The following CCSER1 variants were observed in gnomAD, a reference collection of about 807,000 sequenced individuals.
CCSER1 encodes serine-rich coiled-coil domain-containing protein 1.
CCSER1 carries 41 observed loss-of-function variants against 82.0 expected under a neutral mutation model. That is an observed-to-expected ratio of 0.50 (90% CI 0.39 to 0.65). The LOEUF (loss-of-function observed/expected upper bound fraction) is 0.65. CCSER1 is among the 30% of genes least tolerant of loss of function. The pLI, the probability that CCSER1 is intolerant of heterozygous loss-of-function variation, is 0.00. For missense variants in CCSER1, 1,119 were observed against 1,064.2 expected (o/e 1.05, Z -0.72); for synonymous variants, 414 against 383.9 (o/e 1.08, Z -0.92).
intron 6 of CCSER1, among the ~76,000 whole-genome samples, chr4:90,669,523 A>G (rs903816014): frequency 6.6e-6 from 1 of 152,118 alleles, no homozygotes; most frequent in Admixed American, 6.6e-5. Context: ...ATTTTAAAGT[A>G]AACATTATTT....
intron 6 of CCSER1, among the ~76,000 whole-genome samples, chr4:90,640,310 C>T (rs1291355906): frequency 6.6e-6 from 1 of 151,952 alleles, no homozygotes; most frequent in Non-Finnish European, 1.5e-5. Flanking sequence ...ATGTGAAAGA[C>T]ATGAAAATTA....
intron 5 of CCSER1, among the ~76,000 whole-genome samples, chr4:90,536,949 T>C (rs924465217): frequency 6.6e-6 from 1 of 152,242 alleles, no homozygotes; most frequent in Non-Finnish European, 1.5e-5. Flanking sequence ...TCTCGTTTGT[T>C]CTCTTGCTTC....
intron 8 of CCSER1, among the ~76,000 whole-genome samples, chr4:90,898,977 A>G (rs545897320): frequency 2.0e-5 from 3 of 151,918 alleles, no homozygotes; most frequent in Non-Finnish European, 4.4e-5. Flanking sequence ...CTAATTCTGT[A>G]TAAAATGACA....
chr4:91,070,958 A>G (rs1721371054), intron 9 of CCSER1, among the ~76,000 whole-genome samples: 1 of 152,350 alleles, frequency 6.6e-6, no homozygotes, highest in South Asian at 2.1e-4. Flanking sequence ...TTAAAATTAT[A>G]GAAGAAATAC....
chr4:90,723,720 C>T (rs2149374970), intron 6 of CCSER1, among the ~76,000 whole-genome samples, 194 bp from the exon 7 acceptor site: 1 of 151,810 alleles, frequency 6.6e-6, no homozygotes, highest in East Asian at 1.9e-4. Flanking sequence ...TGACTAATTT[C>T]CCAGATAATC....
chr4:91,307,324 A>G (rs1745140071), intron 10 of CCSER1, among the ~76,000 whole-genome samples: 1 of 150,572 alleles, frequency 6.6e-6, no homozygotes, highest in Admixed American at 6.7e-5. Context: ...CTCTAGTCTT[A>G]TCTTGCTATT....
chr4:91,078,939 A>C (rs1722352281), intron 9 of CCSER1, among the ~76,000 whole-genome samples: 1 of 152,222 alleles, frequency 6.6e-6, no homozygotes, highest in South Asian at 2.1e-4. Flanking sequence ...GAAAAGACCA[A>C]ATCTACATCT....
At chr4:91,162,120 A>T (rs1214918752) in intron 10 of CCSER1, among the ~76,000 whole-genome samples, 1 of 152,126 alleles carries the variant, frequency 6.6e-6, no homozygotes, top group Admixed American at 6.5e-5. Context: ...TACCTAGTTT[A>T]TTGAGAGTTT....
intron 10 of CCSER1, among the ~76,000 whole-genome samples, chr4:91,265,799 T>G (rs572145104): frequency 1.3e-5 from 2 of 152,330 alleles, no homozygotes; most frequent in African/African-American, 2.4e-5. Flanking sequence ...TGAAAAATTT[T>G]GGGAAAACGA....
chr4:91,034,875 A>T (rs1202627137), intron 9 of CCSER1, among the ~76,000 whole-genome samples: 2 of 152,100 alleles, frequency 1.3e-5, no homozygotes, highest in Non-Finnish European at 2.9e-5. Context: ...AGTCCACAGA[A>T]ATCTATACTG....
At chr4:90,993,091 A>G (rs1737181582) in intron 9 of CCSER1, among the ~76,000 whole-genome samples, 1 of 152,048 alleles carries the variant, frequency 6.6e-6, no homozygotes, top group South Asian at 2.1e-4. Context: ...ACTGCCAGTT[A>G]TGTACTGTTG....
intron 1 of CCSER1, among the ~76,000 whole-genome samples, chr4:90,170,319 T>C (rs1731390947): frequency 6.6e-6 from 1 of 152,048 alleles, no homozygotes; most frequent in South Asian, 2.1e-4. Flanking sequence ...TCACAGATAA[T>C]ATGTATATTG....
chr4:91,078,171 C>G (rs1581492624), intron 9 of CCSER1, among the ~76,000 whole-genome samples: 1 of 152,256 alleles, frequency 6.6e-6, no homozygotes, highest in Admixed American at 6.5e-5. Flanking sequence ...CCCTGAGTAG[C>G]CTAAATAGGA....
intron 10 of CCSER1, among the ~76,000 whole-genome samples, chr4:91,501,920 T>C (rs1042201075): frequency 6.6e-6 from 1 of 152,220 alleles, no homozygotes; most frequent in African/African-American, 2.4e-5. Flanking sequence ...GTAAGCACAA[T>C]TGACAGCATC....
intron 10 of CCSER1, among the ~76,000 whole-genome samples, chr4:91,410,961 C>G (rs955559413): frequency 1.3e-5 from 2 of 151,928 alleles, no homozygotes. Context: ...AGTACATTGT[C>G]TTCTGTATGA....
intron 10 of CCSER1, among the ~76,000 whole-genome samples, chr4:91,126,467 C>T (rs1727528524): frequency 6.6e-6 from 1 of 151,740 alleles, no homozygotes; most frequent in Non-Finnish European, 1.5e-5. Context: ...AAATATGTGT[C>T]AGTGTTCACA....
intron 4 of CCSER1, among the ~76,000 whole-genome samples, chr4:90,417,016 C>T (rs1402749812): frequency 6.6e-6 from 1 of 152,048 alleles, no homozygotes; most frequent in Non-Finnish European, 1.5e-5. Context: ...CGTGGACACA[C>T]GCAGGGGAAC....
chr4:91,407,421 G>A (rs1389314685), intron 10 of CCSER1, among the ~76,000 whole-genome samples: 1 of 152,178 alleles, frequency 6.6e-6, no homozygotes, highest in Non-Finnish European at 1.5e-5. Context: ...AAGTTCCTAA[G>A]AGTTCAAGGA....
chr4:91,496,788 G>C (rs71597245), intron 10 of CCSER1, among the ~76,000 whole-genome samples: 1,002 of 23,242 alleles, frequency 0.043, 193 homozygotes, highest in East Asian at 0.32. Flanking sequence ...AATATATATT[G>C]AATATATATT....
Sources: gnomAD v4.1 joint callset for allele counts (sites outside exome capture counted in the v4.1 genomes callset) on GRCh38, gnomAD v4.1.1 for gene constraint, MANE v1.5 for transcripts, NCBI Gene and HGNC (gene_info 2026-07-23, HGNC 2026-07-21) for gene names.